Variants in IRAK2 observed in about 807,000 individuals in gnomAD.
IRAK2 encodes interleukin 1 receptor associated kinase 2, also known as interleukin-1 receptor-associated kinase-like 2.
Under a neutral mutation model 72.0 loss-of-function variants are expected in IRAK2, and 57 were observed. The ratio of observed to expected loss-of-function variants is 0.79; its 90% confidence interval spans 0.64 to 0.99. The LOEUF is 0.99. IRAK2 is among the 50% of genes least tolerant of loss of function. The pLI is 0.00. For missense variants in IRAK2, 790 were observed against 794.4 expected (o/e 0.99, Z 0.07); for synonymous variants, 293 against 312.7 (o/e 0.94, Z 0.67).
intron 11 of IRAK2, among the ~76,000 whole-genome samples, chr3:10,236,783 T>C (rs1443364068): frequency 6.6e-6 from 1 of 152,264 alleles, no homozygotes; most frequent in Non-Finnish European, 1.5e-5. Context: ...GTGTGTCACT[T>C]AAGGTGCAGG....
chr3:10,236,473 G>C (rs571457930), intron 11 of IRAK2, among the ~76,000 whole-genome samples: 5 of 149,086 alleles, frequency 3.4e-5, no homozygotes, highest in Non-Finnish European at 7.4e-5. Context: ...TCAGCCTCCC[G>C]AGTAGCTGAG....
At chr3:10,177,704 T>C in intron 1 of IRAK2, 134 bp from the exon 2 acceptor site, 2 of 824,862 alleles carry the variant, frequency 2.4e-6, no homozygotes, top group Admixed American at 2.1e-5. Flanking sequence ...CCTCAGCTAA[T>C]GGTGGTGTTT....
intron 1 of IRAK2, among the ~76,000 whole-genome samples, chr3:10,166,574 T>A (rs192164687): frequency 6.6e-6 from 1 of 152,344 alleles, no homozygotes; most frequent in African/African-American, 2.4e-5. Flanking sequence ...TTGTGAGGAA[T>A]GAAAATACTG....
At chr3:10,189,370 C>T (rs1269524042) in intron 2 of IRAK2, among the ~76,000 whole-genome samples, 3 of 152,328 alleles carry the variant, frequency 2.0e-5, no homozygotes, top group South Asian at 4.1e-4. Flanking sequence ...TGCAGGCTAC[C>T]GCCAAGAGTT....
At chr3:10,223,580 C>T (rs927989323) in intron 9 of IRAK2, among the ~76,000 whole-genome samples, 4 of 152,222 alleles carry the variant, frequency 2.6e-5, no homozygotes, top group African/African-American at 9.7e-5. Context: ...TTCTTTACCA[C>T]AAGATTAATT....
chr3:10,237,808 A>T (rs1697988930), intron 11 of IRAK2, among the ~76,000 whole-genome samples: 1 of 148,960 alleles, frequency 6.7e-6, no homozygotes, highest in South Asian at 2.1e-4. Context: ...TCTGTCTCAA[A>T]AAAAAAAAAA....
chr3:10,233,811 G>A (rs143134897), intron 10 of IRAK2, among the ~76,000 whole-genome samples: 1 of 152,282 alleles, frequency 6.6e-6, no homozygotes, highest in African/African-American at 2.4e-5. Flanking sequence ...TGCTTTAGGT[G>A]CACTGTTTCA....
chr3:10,242,093 G>A (rs1338650960), intron 12 of IRAK2, 23 bp from the exon 13 acceptor site: 16 of 1,373,306 alleles, frequency 1.2e-5, no homozygotes, highest in Non-Finnish European at 1.4e-5. Context: ...AGTCGCTCTT[G>A]TTTGCTTTCT....
intron 2 of IRAK2, among the ~76,000 whole-genome samples, chr3:10,191,999 A>C (rs1697182373): frequency 6.7e-6 from 1 of 148,458 alleles, no homozygotes; most frequent in African/African-American, 2.5e-5. Flanking sequence ...GGTTTGCCTC[A>C]TTTCAGGTCT....
At chr3:10,187,090 G>C (rs1697088289) in intron 2 of IRAK2, among the ~76,000 whole-genome samples, 1 of 151,188 alleles carries the variant, frequency 6.6e-6, no homozygotes, top group South Asian at 2.1e-4. Flanking sequence ...TGCTCAAGAA[G>C]TTTTGGATGT....
At chr3:10,205,645 G>A (rs556254105) in intron 3 of IRAK2, among the ~76,000 whole-genome samples, 2 of 152,350 alleles carry the variant, frequency 1.3e-5, no homozygotes, top group South Asian at 2.1e-4. Flanking sequence ...CTGGAGCAGC[G>A]GTTCCCAGTG....
Position 10,230,649 on chromosome 3 carries a change from A to G in IRAK2, c.1273-3810A>G, listed in dbSNP as rs148781371. Among the ~76,000 whole-genome samples the G allele has an allele frequency of 1.8e-3, 281 of 152,260 alleles. 4 individuals are homozygous for G. The South Asian group carries it at 0.039, about 21-fold the overall frequency. On this transcript the variant is annotated intron_variant, in intron 10 of 12. Transcript: ENST00000256458. ...TAGTGGTGCAATCATGGCTCACTGT[A>G]ACCTTGTACCCCTGGCCTCAAGTGA...
At chr3:10,232,125 TCAA>T (rs1343067311) in intron 10 of IRAK2, among the ~76,000 whole-genome samples, 37 of 114,848 alleles carry the variant, frequency 3.2e-4, no homozygotes, top group Non-Finnish European at 5.6e-4. Flanking sequence ...AGACTCCGTC[TCAA>T]CAACAACAAC....
chr3:10,242,029 C>A, intron 12 of IRAK2, 87 bp from the exon 13 acceptor site: 1 of 724,866 alleles, frequency 1.4e-6, no homozygotes, highest in Non-Finnish European at 2.4e-6. Flanking sequence ...GGGCCTGATT[C>A]AGAAACCTGA....
intron 9 of IRAK2, among the ~76,000 whole-genome samples, chr3:10,225,924 C>T (rs1697768501): frequency 6.6e-6 from 1 of 152,144 alleles, no homozygotes; most frequent in South Asian, 2.1e-4. Flanking sequence ...TGGTCTCGAT[C>T]TCCTGACCAC....
chr3:10,169,253 G>T (rs1696753735), intron 1 of IRAK2, among the ~76,000 whole-genome samples: 2 of 152,188 alleles, frequency 1.3e-5, no homozygotes, highest in African/African-American at 4.8e-5. Context: ...GGCACGCATT[G>T]TCTTGATAAA....
At chr3:10,170,702 T>C (rs1696781582) in intron 1 of IRAK2, among the ~76,000 whole-genome samples, 1 of 152,174 alleles carries the variant, frequency 6.6e-6, no homozygotes, top group Admixed American at 6.5e-5. Context: ...AGAGGGCAGG[T>C]GCCAGAATGA....
intron 2 of IRAK2, among the ~76,000 whole-genome samples, chr3:10,199,475 G>A (rs1351080088): frequency 6.6e-6 from 1 of 152,204 alleles, no homozygotes; most frequent in Non-Finnish European, 1.5e-5. Context: ...GCCTGGTACA[G>A]CCCGTCCTCA....
rs748710439 is a variant in IRAK2 at position 10,164,921 on chromosome 3, T to A, written c.-34T>A. The A allele has an allele frequency of 1.8e-5, 27 of 1,519,880 alleles. 1 individual carries two copies. In the East Asian group the frequency reaches 5.7e-4, roughly 32 times the overall value. 94.1% of individuals were successfully genotyped at this position (1,519,880 alleles called of 1,614,324 possible). On this transcript the variant is annotated 5_prime_UTR_variant, in exon 1 of 13. Coordinates refer to ENST00000256458, the MANE Select transcript of IRAK2 (RefSeq NM_001570.4). The stretch of plus-strand genomic sequence containing the variant: ...CCGCAGCCCGCAGTGTCCGACCCAG[T>A]CGTCCCGCGCCGGAGCCGGCCCCGT...
Sources: gnomAD v4.1 joint callset for allele counts (sites outside exome capture counted in the v4.1 genomes callset) on GRCh38, gnomAD v4.1.1 for gene constraint, MANE v1.5 for transcripts, NCBI Gene and HGNC (gene_info 2026-07-23, HGNC 2026-07-21) for gene names.